The following CNBD1 variants were observed in gnomAD, a reference collection of about 807,000 sequenced individuals.
The protein encoded by CNBD1 is cyclic nucleotide-binding domain-containing protein 1.
In CNBD1, 71 loss-of-function variants were observed where a neutral mutation model predicts 54.4. That is an observed-to-expected ratio of 1.30 (90% CI 1.08 to 1.59). CNBD1 has a LOEUF of 1.59. Among genes scored for constraint, CNBD1 ranks in the 40% most tolerant of loss-of-function variants. CNBD1 has a pLI of 0.00. For synonymous variants in CNBD1, 182 were observed against 170.7 expected (o/e 1.07, Z -0.51); for missense variants, 659 against 518.0 (o/e 1.27, Z -2.64).
At chr8:87,255,708 C>G (rs1005106601) in intron 6 of CNBD1, among the ~76,000 whole-genome samples, 1 of 151,556 alleles carries the variant, frequency 6.6e-6, no homozygotes, top group Admixed American at 6.6e-5. Context: ...TAGAGCCAAA[C>G]TGCCTAACTT....
intron 6 of CNBD1, among the ~76,000 whole-genome samples, chr8:87,269,875 AC>A (rs1270865031): frequency 6.6e-6 from 1 of 152,038 alleles, no homozygotes; most frequent in Non-Finnish European, 1.5e-5. Context: ...AAATTATTCC[AC>A]AAAATCAAGG....
At chr8:87,383,673 A>G (rs991987300), downstream of CNBD1, among the ~76,000 whole-genome samples, 43 of 152,090 alleles carry the variant, frequency 2.8e-4, no homozygotes, top group African/African-American at 1.0e-3. Flanking sequence ...TGGAGTTGCA[A>G]TTCTCAAGTA....
At chr8:87,226,632 G>A (rs929933523) in intron 5 of CNBD1, among the ~76,000 whole-genome samples, 17 of 151,520 alleles carry the variant, frequency 1.1e-4, no homozygotes, top group Admixed American at 8.5e-4. Context: ...CTGTTCTTTT[G>A]CATTTTCTGA....
intron 3 of CNBD1, among the ~76,000 whole-genome samples, chr8:86,927,666 A>C (rs1241069885): frequency 1.3e-5 from 2 of 152,174 alleles, no homozygotes; most frequent in African/African-American, 2.4e-5. Context: ...ATATAGTCCT[A>C]CTGCAAAGAG....
In CNBD1 at chr8:87,040,267, G is replaced by C. The variant is rs557485601; in HGVS notation, c.431+100513G>C. ...CATAGTTAATTTGGGCTATGCCCAG[G>C]AATGGACAAGGACAGCTTGGAGATT... On this transcript the variant is annotated intron_variant, in intron 4 of 10. Coordinates refer to ENST00000518476, the MANE Select transcript of CNBD1 (RefSeq NM_173538.3). 4.6e-5 allele frequency among the ~76,000 whole-genome samples: 7 copies of C among 152,312 alleles called. No individual in the cohort carries two copies. The East Asian group carries it at 9.7e-4, about 21-fold the overall frequency.
At chr8:87,328,700 G>C (rs1809746605) in intron 8 of CNBD1, among the ~76,000 whole-genome samples, 1 of 151,924 alleles carries the variant, frequency 6.6e-6, no homozygotes, top group Admixed American at 6.6e-5. Flanking sequence ...TGGGTATTTT[G>C]GACATTTTAA....
chr8:87,147,154 T>C (rs1812506826), intron 4 of CNBD1, among the ~76,000 whole-genome samples: 1 of 152,152 alleles, frequency 6.6e-6, no homozygotes, highest in Non-Finnish European at 1.5e-5. Context: ...TTAGAGGCTT[T>C]TCTGACTACT....
chr8:86,939,022 T>C (rs1809602205), intron 3 of CNBD1, among the ~76,000 whole-genome samples: 2 of 152,198 alleles, frequency 1.3e-5, no homozygotes, highest in African/African-American at 4.8e-5. Flanking sequence ...TTCTCGCCTA[T>C]GAGTTTTCAA....
Position 86,866,494 on chromosome 8 carries a change from A to G in CNBD1, c.-2A>G. On this transcript the variant is annotated 5_prime_UTR_variant, in exon 1 of 11. Transcript: ENST00000518476. ...TCATCTATCTGCCTTTGAGCCATCA[A>G]GATGCCGATGTCTTCTCTTCCAGCA... 1 of 1,609,244 alleles carries G rather than the reference A, an allele frequency of 6.2e-7. No homozygotes were observed. Among genetic ancestry groups the G allele is most frequent in the East Asian group, 2.2e-5 (1 of 44,762 alleles).
At chr8:86,986,661 C>A (rs1808614516) in intron 4 of CNBD1, among the ~76,000 whole-genome samples, 1 of 152,104 alleles carries the variant, frequency 6.6e-6, no homozygotes, top group African/African-American at 2.4e-5. Flanking sequence ...ACATTTAAAT[C>A]TTTAATCCAT....
At chr8:87,118,469 A>G (rs1811823266) in intron 4 of CNBD1, among the ~76,000 whole-genome samples, 1 of 152,156 alleles carries the variant, frequency 6.6e-6, no homozygotes, top group Non-Finnish European at 1.5e-5. Flanking sequence ...TGAAGGAGTG[A>G]ACTGTGCTGA....
intron 4 of CNBD1, among the ~76,000 whole-genome samples, chr8:87,039,525 G>C (rs1177603548): frequency 6.6e-6 from 1 of 151,894 alleles, no homozygotes; most frequent in Non-Finnish European, 1.5e-5. Flanking sequence ...CTGCTTTTTG[G>C]TTTTATTTCT....
chr8:87,270,619 A>T (rs1394768352), intron 6 of CNBD1, among the ~76,000 whole-genome samples: 2 of 151,970 alleles, frequency 1.3e-5, no homozygotes, highest in South Asian at 4.1e-4. Flanking sequence ...CTGGGTATAT[A>T]ACCAAATAAA....
intron 2 of CNBD1, among the ~76,000 whole-genome samples, chr8:87,388,463 C>T (rs62528164): frequency 6.6e-6 from 1 of 152,050 alleles, no homozygotes; most frequent in African/African-American, 2.4e-5. Context: ...TCAGAGAATA[C>T]TATAAACACC....
intron 8 of CNBD1, among the ~76,000 whole-genome samples, chr8:87,338,755 T>G (rs1457017450): frequency 6.6e-6 from 1 of 152,172 alleles, no homozygotes; most frequent in African/African-American, 2.4e-5. Context: ...GTTTGATCTT[T>G]GACGTTCATT....
At chr8:86,960,955 C>G (rs1280751176) in intron 4 of CNBD1, among the ~76,000 whole-genome samples, 1 of 152,206 alleles carries the variant, frequency 6.6e-6, no homozygotes, top group African/African-American at 2.4e-5. Context: ...ACAAACAGAA[C>G]AATTTTCAAA....
At chr8:86,914,073 C>T (rs989206711) in intron 3 of CNBD1, among the ~76,000 whole-genome samples, 18 of 152,144 alleles carry the variant, frequency 1.2e-4, no homozygotes, top group East Asian at 3.9e-4. Flanking sequence ...CCCTGAAAAT[C>T]GCTGTTATCC....
At chr8:86,874,607 G>A (rs13268471) in intron 1 of CNBD1, among the ~76,000 whole-genome samples, 18,532 of 151,934 alleles carry the variant, frequency 0.12, 1,347 homozygotes, top group African/African-American at 0.21. Context: ...TACATTGACC[G>A]TTCTTTATTT....
At chr8:87,187,379 GTAAATTACCATGGTTC>G (rs1240750130) in intron 4 of CNBD1, among the ~76,000 whole-genome samples, 2 of 151,592 alleles carry the variant, frequency 1.3e-5, no homozygotes, top group African/African-American at 4.9e-5. Context: ...GTTTATGTTT[GTAAATTACCATGGTTC>G]TAACTTTATA....
Sources: allele counts gnomAD v4.1 joint callset (sites outside exome capture counted in the v4.1 genomes callset), GRCh38; gene constraint gnomAD v4.1.1; transcripts MANE v1.5; gene names NCBI Gene and HGNC (gene_info 2026-07-23, HGNC 2026-07-21).